CSMD1: variants seen among roughly 807,000 people sequenced by gnomAD.
The protein encoded by CSMD1 is CUB and Sushi multiple domains 1.
Under a neutral mutation model 417.5 loss-of-function variants are expected in CSMD1, and 213 were observed. The observed-to-expected ratio is 0.51, with a 90% CI of 0.46 to 0.57. The LOEUF (loss-of-function observed/expected upper bound fraction) is 0.57, where lower values mean the gene tolerates loss of function less well. Among genes scored for constraint, CSMD1 ranks in the 20% least tolerant of loss-of-function variants. The probability of loss-of-function intolerance (pLI) is 0.00; values close to 1 mark genes in which losing one functional copy is unlikely to be tolerated. For missense variants in CSMD1, 6,923 were observed against 4,529.7 expected (o/e 1.53, Z -15.17); for synonymous variants, 2,862 against 1,736.8 (o/e 1.65, Z -16.11).
At chr8:4,615,395 G>A (rs1275893395) in intron 2 of CSMD1, among the ~76,000 whole-genome samples, 1 of 152,132 alleles carries the variant, frequency 6.6e-6, no homozygotes, top group African/African-American at 2.4e-5. Context: ...GAGAAATTGT[G>A]AAAGAATAGC....
At chr8:3,084,738 C>G (rs1313606535) in intron 49 of CSMD1, among the ~76,000 whole-genome samples, 2 of 151,868 alleles carry the variant, frequency 1.3e-5, no homozygotes, top group Non-Finnish European at 2.9e-5. Flanking sequence ...CAACCTTATG[C>G]TATTTAAAAC....
intron 1 of CSMD1, among the ~76,000 whole-genome samples, chr8:4,844,256 G>C (rs1345513777): frequency 6.6e-6 from 1 of 152,132 alleles, no homozygotes; most frequent in African/African-American, 2.4e-5. Flanking sequence ...GCTAAAACTA[G>C]CATTTGGGGA....
At chr8:3,587,187 T>C (rs553382526) in intron 8 of CSMD1, among the ~76,000 whole-genome samples, 17 of 152,226 alleles carry the variant, frequency 1.1e-4, no homozygotes, top group Non-Finnish European at 2.4e-4. Flanking sequence ...CATGGAGCTT[T>C]ACGGTTGTAA....
At chr8:3,842,423 G>C (rs1803199209) in intron 5 of CSMD1, among the ~76,000 whole-genome samples, 1 of 152,012 alleles carries the variant, frequency 6.6e-6, no homozygotes, top group Non-Finnish European at 1.5e-5. Context: ...ATAGTCTCAA[G>C]ACTATATTTT....
intron 3 of CSMD1, among the ~76,000 whole-genome samples, chr8:4,124,863 A>G (rs868099445): frequency 1.3e-5 from 2 of 152,318 alleles, no homozygotes; most frequent in South Asian, 2.1e-4. Flanking sequence ...AACTAACTCT[A>G]TAGGACAGAA....
At chr8:4,169,734 G>T (rs1467897334) in intron 3 of CSMD1, among the ~76,000 whole-genome samples, 1 of 152,074 alleles carries the variant, frequency 6.6e-6, no homozygotes, top group Non-Finnish European at 1.5e-5. Flanking sequence ...CTCACTTGTG[G>T]AGGTTCAAAC....
intron 23 of CSMD1, among the ~76,000 whole-genome samples, chr8:3,335,466 T>A (rs142384625): frequency 0.016 from 2,441 of 152,140 alleles, 28 homozygotes; most frequent in Middle Eastern, 0.034. Context: ...TCATCTGAGG[T>A]CGGGAGATCG....
At chr8:3,503,901 A>G (rs1010244447) in intron 10 of CSMD1, among the ~76,000 whole-genome samples, 10 of 145,968 alleles carry the variant, frequency 6.9e-5, no homozygotes, top group Non-Finnish European at 9.0e-5. Flanking sequence ...CTTGGATGAG[A>G]TCAACTTTTT....
At chr8:3,076,050 C>T (rs1222686480) in intron 49 of CSMD1, among the ~76,000 whole-genome samples, 1 of 109,000 alleles carries the variant, frequency 9.2e-6, no homozygotes, top group African/African-American at 3.7e-5. Flanking sequence ...GACTCCGTCT[C>T]AAAAAAAAGA....
At chr8:2,954,586 C>A (rs1320339397) in intron 64 of CSMD1, among the ~76,000 whole-genome samples, 2 of 152,064 alleles carry the variant, frequency 1.3e-5, no homozygotes, top group Non-Finnish European at 2.9e-5. Flanking sequence ...GAATACCCTG[C>A]CACATACTAA....
chr8:3,864,862 T>TAGGAATAAGTATACAA (rs1186209925), intron 5 of CSMD1, among the ~76,000 whole-genome samples: 1 of 152,344 alleles, frequency 6.6e-6, no homozygotes, highest in Non-Finnish European at 1.5e-5. Context: ...TTGGCCAGAC[T>TAGGAATAAGTATACAA]AGAATTAAAT....
At chr8:3,091,790 G>C (rs1023024547) in intron 47 of CSMD1, 128 bp from the exon 48 acceptor site, 2 of 715,496 alleles carry the variant, frequency 2.8e-6, no homozygotes, top group Non-Finnish European at 2.1e-6. Flanking sequence ...TACAAAAGTG[G>C]ACAACAAATT....
At chr8:3,815,894 C>G (rs1801342488) in intron 5 of CSMD1, among the ~76,000 whole-genome samples, 1 of 152,160 alleles carries the variant, frequency 6.6e-6, no homozygotes, top group Non-Finnish European at 1.5e-5. Context: ...ACTAAATTAT[C>G]ATCAAGAGTA....
intron 23 of CSMD1, among the ~76,000 whole-genome samples, chr8:3,337,260 A>C (rs1807324154): frequency 6.6e-6 from 1 of 152,200 alleles, no homozygotes; most frequent in East Asian, 1.9e-4. Context: ...ATTTTGATAA[A>C]CATACCAATT....
chr8:2,977,445 T>C (rs558543855), intron 55 of CSMD1, among the ~76,000 whole-genome samples: 2 of 152,378 alleles, frequency 1.3e-5, no homozygotes, highest in Admixed American at 6.5e-5. Context: ...TTCTTTTTTA[T>C]GGCTGCATCA....
At chr8:3,993,505 G>C (rs73658523) in intron 5 of CSMD1, among the ~76,000 whole-genome samples, 3,555 of 152,232 alleles carry the variant, frequency 0.023, 139 homozygotes, top group African/African-American at 0.082. Context: ...TTTAACTTTA[G>C]CCAGTCACCA....
intron 30 of CSMD1, among the ~76,000 whole-genome samples, chr8:3,208,671 T>G (rs1358430569): frequency 6.6e-6 from 1 of 152,166 alleles, no homozygotes; most frequent in Non-Finnish European, 1.5e-5. Flanking sequence ...GAGATTAATA[T>G]TTGAGTCAGT....
In CSMD1 at chr8:3,553,818, T is replaced by C. The variant is rs576564536; in HGVS notation, c.1344+21127A>G. Among the ~76,000 whole-genome samples the C allele has an allele frequency of 9.2e-5, 14 of 152,346 alleles. No homozygotes were observed. The South Asian group carries it at 2.5e-3, about 27-fold the overall frequency. On this transcript the variant is annotated intron_variant, in intron 10 of 69. Coordinates refer to ENST00000635120, the MANE Select transcript of CSMD1 (RefSeq NM_033225.6). ...GGCAAATAATTTCACAGAATATTTA[T>C]AATATTTGTATCACTCTTGAAAAGG...
chr8:4,496,715 A>C (rs900043334), intron 2 of CSMD1, among the ~76,000 whole-genome samples: 1 of 152,186 alleles, frequency 6.6e-6, no homozygotes, highest in Admixed American at 6.5e-5. Flanking sequence ...TTCAATCATC[A>C]GCTGAAAATG....
Sources: gnomAD v4.1 joint callset for allele counts (sites outside exome capture counted in the v4.1 genomes callset) on GRCh38, gnomAD v4.1.1 for gene constraint, MANE v1.5 for transcripts, NCBI Gene and HGNC (gene_info 2026-07-23, HGNC 2026-07-21) for gene names.